TLN2: variants seen among roughly 807,000 people sequenced by gnomAD.
TLN2 encodes the protein talin-2.
Under a neutral mutation model 294.7 loss-of-function variants are expected in TLN2, and 118 were observed. The ratio of observed to expected loss-of-function variants is 0.40; its 90% CI spans 0.34 to 0.47. The LOEUF (loss-of-function observed/expected upper bound fraction) is 0.47. Among genes scored for constraint, TLN2 ranks in the 20% least tolerant of loss-of-function variants. The pLI, the probability that TLN2 is intolerant of heterozygous loss-of-function variation, is 0.84. For missense variants in TLN2, 3,083 were observed against 3,282.2 expected, an observed-to-expected ratio of 0.94 and a Z score of 1.48; for synonymous variants, 1,431 against 1,304.5, an observed-to-expected ratio of 1.10 and a Z score of -2.09.
At chr15:62,422,356 C>T (rs796581553) in intron 1 of TLN2, among the ~76,000 whole-genome samples, 18 of 152,064 alleles carry the variant, frequency 1.2e-4, no homozygotes, top group African/African-American at 3.9e-4. Context: ...GAGATAAGGC[C>T]CAGGAATGTG....
intron 1 of TLN2, among the ~76,000 whole-genome samples, chr15:62,587,274 A>G (rs772114940): frequency 9.2e-5 from 14 of 152,236 alleles, no homozygotes; most frequent in Non-Finnish European, 1.3e-4. Context: ...CTTCAACACG[A>G]GATTTTAAAA....
intron 45 of TLN2, chr15:62,784,798 C>T (rs1331788332): frequency 6.6e-6 from 1 of 152,162 alleles, no homozygotes; most frequent in Non-Finnish European, 1.5e-5. Context: ...GAGCGCAAAC[C>T]ATGTTCGAGA....
chr15:62,472,989 T>G (rs1463123693), intron 1 of TLN2, among the ~76,000 whole-genome samples: 2 of 152,146 alleles, frequency 1.3e-5, no homozygotes, highest in Non-Finnish European at 2.9e-5. Context: ...GGTGCCTTAA[T>G]GAGACTGTTC....
chr15:62,771,131 C>G lies in TLN2; in HGVS notation c.5364C>G (p.Pro1788=). 1 of 1,608,764 alleles carries G rather than the reference C, an allele frequency of 6.2e-7. No individual in the cohort carries two copies. Among genetic ancestry groups the G allele is most frequent in the African/African-American group, 1.3e-5 (1 of 74,926 alleles). Residue 1788 remains proline, a synonymous_variant, in exon 42 of 59, where the codon CCC becomes CCG. Transcript: ENST00000636159. Reference sequence around the variant, plus strand: ...CAGCCAAAGAAGGTGGCGGAAACCCCAAGGTATGGTCCAGGATATCGGGGA... The same window carrying G: ...CAGCCAAAGAAGGTGGCGGAAACCCGAAGGTATGGTCCAGGATATCGGGGA... ...LYAAKEGGGN[P]KAQHTHDAIT...
chr15:62,403,173 G>C (rs2033148504), intron 1 of TLN2, among the ~76,000 whole-genome samples: 1 of 151,736 alleles, frequency 6.6e-6, no homozygotes, highest in Admixed American at 6.6e-5. Flanking sequence ...AGGAGGCAGA[G>C]GTTGCAGTGA....
intron 1 of TLN2, among the ~76,000 whole-genome samples, chr15:62,479,346 C>A (rs2037956727): frequency 6.6e-6 from 1 of 152,154 alleles, no homozygotes; most frequent in East Asian, 1.9e-4. Flanking sequence ...GAGCTATGCC[C>A]TTAGACTGGT....
intron 1 of TLN2, among the ~76,000 whole-genome samples, chr15:62,391,803 G>A (rs980688695): frequency 6.6e-6 from 1 of 152,242 alleles, no homozygotes; most frequent in Admixed American, 6.5e-5. Flanking sequence ...CCTCTGTCCC[G>A]CCTGGACCCG....
intron 54 of TLN2, among the ~76,000 whole-genome samples, chr15:62,824,812 C>G (rs893665462): frequency 6.6e-6 from 1 of 152,148 alleles, no homozygotes; most frequent in Non-Finnish European, 1.5e-5. Flanking sequence ...TATAGAAAAG[C>G]CTGTGAAGTA....
intron 31 of TLN2, 142 bp from the exon 32 acceptor site, chr15:62,740,488 T>A: frequency 9.9e-7 from 1 of 1,014,992 alleles, no homozygotes. Flanking sequence ...CTCAACGAGT[T>A]AGGCATCTGC....
At chr15:62,688,459 A>G (rs2057483568) in intron 12 of TLN2, among the ~76,000 whole-genome samples, 1 of 152,174 alleles carries the variant, frequency 6.6e-6, no homozygotes, top group Non-Finnish European at 1.5e-5. Flanking sequence ...GAGTATTCAA[A>G]AAGAACATAT....
At chr15:62,788,328 G>T (rs1049566750) in intron 45 of TLN2, among the ~76,000 whole-genome samples, 2 of 152,046 alleles carry the variant, frequency 1.3e-5, no homozygotes, top group Non-Finnish European at 2.9e-5. Context: ...AAGAAACAAA[G>T]AATTTCCTTT....
chr15:62,748,008 G>A (rs531406432), intron 32 of TLN2, among the ~76,000 whole-genome samples: 5 of 152,074 alleles, frequency 3.3e-5, no homozygotes, highest in Admixed American at 3.3e-4. Flanking sequence ...AGAGGTGGAA[G>A]GGGAGAAAGG....
chr15:62,679,458 T>C (rs908446710), intron 11 of TLN2, among the ~76,000 whole-genome samples: 7 of 152,188 alleles, frequency 4.6e-5, no homozygotes, highest in African/African-American at 1.7e-4. Flanking sequence ...TACCGATATA[T>C]GCTACAACAC....
chr15:62,830,620 C>T (rs2068727653), intron 54 of TLN2: 2 of 152,138 alleles, frequency 1.3e-5, no homozygotes, highest in South Asian at 4.1e-4. Context: ...ATGCCATTTT[C>T]TCTAAGGCTA....
intron 40 of TLN2, 57 bp downstream of exon 40, chr15:62,763,752 A>T (rs980703486): frequency 6.7e-7 from 1 of 1,503,686 alleles, no homozygotes; most frequent in African/African-American, 1.4e-5. Flanking sequence ...GAAAAACCTT[A>T]GCATCAGACT....
At chr15:62,527,170 G>A (rs141085346) in intron 1 of TLN2, among the ~76,000 whole-genome samples, 124 of 152,246 alleles carry the variant, frequency 8.1e-4, no homozygotes, top group African/African-American at 2.9e-3. Flanking sequence ...AGTGGGATTG[G>A]AGACACGGTG....
chr15:62,640,864 C>T (rs1269149623), intron 3 of TLN2, among the ~76,000 whole-genome samples: 1 of 152,014 alleles, frequency 6.6e-6, no homozygotes, highest in African/African-American at 2.4e-5. Context: ...TGCAGTGGCG[C>T]GATCTTGGCT....
intron 44 of TLN2, among the ~76,000 whole-genome samples, chr15:62,782,666 G>A (rs970950202): frequency 6.6e-6 from 1 of 152,226 alleles, no homozygotes; most frequent in Non-Finnish European, 1.5e-5. Flanking sequence ...GGAGCAGCAC[G>A]TGGCAACACT....
At chr15:62,515,924 A>G (rs1334000240) in intron 1 of TLN2, among the ~76,000 whole-genome samples, 1 of 152,192 alleles carries the variant, frequency 6.6e-6, no homozygotes, top group East Asian at 1.9e-4. Flanking sequence ...CCCGCTGTGC[A>G]GTAGCTCGCT....
Sources: allele counts gnomAD v4.1 joint callset (sites outside exome capture counted in the v4.1 genomes callset), GRCh38; gene constraint gnomAD v4.1.1; transcripts MANE v1.5; gene names NCBI Gene and HGNC (gene_info 2026-07-23, HGNC 2026-07-21).